The following LUC7L2 variants were observed in gnomAD, a reference collection of about 807,000 sequenced individuals.
LUC7L2 encodes putative RNA-binding protein Luc7-like 2.
LUC7L2 carries 25 observed loss-of-function variants against 52.8 expected under a neutral mutation model. The ratio of observed to expected loss-of-function variants is 0.47; its 90% CI spans 0.34 to 0.66. LUC7L2 has a LOEUF of 0.66. Ranked by LOEUF, LUC7L2 falls within the 30% of genes least tolerant of loss-of-function variation. The probability of loss-of-function intolerance (pLI) is 0.01; values close to 1 mark genes in which losing one functional copy is unlikely to be tolerated. For missense variants in LUC7L2, 328 were observed against 497.8 expected (o/e 0.66, Z 3.25); for synonymous variants, 144 against 160.9 (o/e 0.89, Z 0.80).
At chr7:139,359,301 T>C (rs960317722), upstream of LUC7L2, 1 of 152,876 alleles carries the variant, frequency 6.5e-6, no homozygotes, top group African/African-American at 2.4e-5. Flanking sequence ...TCCGAATGGG[T>C]CGGCGCGCCT....
intron 6 of LUC7L2, among the ~76,000 whole-genome samples, 195 bp from the exon 7 acceptor site, chr7:139,409,368 C>T (rs1481452797): frequency 2.0e-5 from 3 of 150,622 alleles, no homozygotes; most frequent in Non-Finnish European, 4.4e-5. Flanking sequence ...ACACATTTTC[C>T]ACAAAATGGG....
At chr7:139,377,751 A>C (rs1300931539) in intron 2 of LUC7L2, among the ~76,000 whole-genome samples, 2 of 146,304 alleles carry the variant, frequency 1.4e-5, no homozygotes, top group African/African-American at 5.1e-5. Context: ...CTGGTCTTGA[A>C]CTCCTGACCT....
At chr7:139,406,426 C>G (rs1016456430) in intron 5 of LUC7L2, among the ~76,000 whole-genome samples, 6 of 151,008 alleles carry the variant, frequency 4.0e-5, no homozygotes, top group African/African-American at 1.2e-4. Context: ...GATCTCAGCT[C>G]ACTGAAACCT....
At chr7:139,387,371 A>G (rs967028969) in intron 2 of LUC7L2, among the ~76,000 whole-genome samples, 1 of 148,906 alleles carries the variant, frequency 6.7e-6, no homozygotes, top group Non-Finnish European at 1.5e-5. Context: ...TTTTTCGTAT[A>G]TTCAGTAGAG....
chr7:139,372,949 G>A (rs191077703), intron 1 of LUC7L2, among the ~76,000 whole-genome samples: 8 of 152,216 alleles, frequency 5.3e-5, no homozygotes, highest in Admixed American at 5.2e-4. Flanking sequence ...ATGTCATTGT[G>A]ACAGGATACT....
chr7:139,393,546 A>C (rs1374596478), intron 2 of LUC7L2, among the ~76,000 whole-genome samples: 3 of 152,198 alleles, frequency 2.0e-5, no homozygotes. Context: ...TCCTGGGTTC[A>C]AGTGATTATT....
rs555861140 is a variant in LUC7L2 at position 139,389,018 on chromosome 7, A to G, written c.157-9581A>G. 2.5e-3 allele frequency among the ~76,000 whole-genome samples: 379 copies of G among 150,386 alleles called. 4 individuals carry two copies. The highest frequency in any genetic ancestry group is 9.0e-3 in the African/African-American group (366 of 40,738). ...TTTGTAAGAAGGTGTGATGGGATTC[A>G]TTATTCCAGAGACACTTCACATTTT... On this transcript the variant is annotated intron_variant, in intron 2 of 9. Transcript: ENST00000354926.
chr7:139,382,198 T>A (rs952376869), intron 2 of LUC7L2, among the ~76,000 whole-genome samples: 7 of 152,108 alleles, frequency 4.6e-5, no homozygotes, highest in Non-Finnish European at 7.4e-5. Context: ...CTAGTTTTTG[T>A]ATTTTTAATA....
chr7:139,343,508 C>T (rs759876548), intron 1 of LUC7L2, among the ~76,000 whole-genome samples: 1 of 152,098 alleles, frequency 6.6e-6, no homozygotes, highest in South Asian at 2.1e-4. Flanking sequence ...CCCAAGAAGT[C>T]GATCAAGGCT....
At position 139,393,135 on chromosome 7, in the gene LUC7L2, T is replaced by C. The variant is rs548227579; in HGVS notation, c.157-5464T>C. ...TACAAAAATTAGCCAGGTGTGGTGG[T>C]GCACACTTGTAATCCCAGCTAGTAG... On this transcript the variant is annotated intron_variant, in intron 2 of 9. Transcript: ENST00000354926. Among the ~76,000 whole-genome samples the C allele has an allele frequency of 2.0e-5, 3 of 152,084 alleles. No individual in the cohort carries two copies. In the East Asian group the frequency reaches 5.9e-4, roughly 30 times the overall value.
intron 8 of LUC7L2, among the ~76,000 whole-genome samples, chr7:139,414,878 C>T (rs779475457): frequency 1.3e-5 from 2 of 151,696 alleles, no homozygotes; most frequent in Non-Finnish European, 2.9e-5. Context: ...TTCCACTCTA[C>T]GTAATAACAT....
At chr7:139,379,906 G>A (rs1422643053) in intron 2 of LUC7L2, among the ~76,000 whole-genome samples, 3 of 152,108 alleles carry the variant, frequency 2.0e-5, no homozygotes, top group Non-Finnish European at 2.9e-5. Flanking sequence ...AATCAGGGCT[G>A]GGCGTGGTGG....
At chr7:139,368,154 T>G (rs184901466) in intron 1 of LUC7L2, among the ~76,000 whole-genome samples, 4 of 152,328 alleles carry the variant, frequency 2.6e-5, no homozygotes, top group Non-Finnish European at 4.4e-5. Context: ...CTTTAGGGTA[T>G]AGTAATTATT....
intron 2 of LUC7L2, 120 bp from the exon 3 acceptor site, chr7:139,398,479 G>A (rs1010393786): frequency 4.7e-6 from 3 of 641,372 alleles, no homozygotes; most frequent in Non-Finnish European, 7.1e-6. Context: ...TAATTTGGAA[G>A]CCCCTACATA....
chr7:139,344,695 CTTTTT>C (rs1026301999), intron 1 of LUC7L2, among the ~76,000 whole-genome samples: 1 of 116,360 alleles, frequency 8.6e-6, no homozygotes, highest in Non-Finnish European at 1.8e-5. Flanking sequence ...AATTTTCTTT[CTTTTT>C]TTTTTTTTTT....
At chr7:139,396,702 G>C (rs549419778) in intron 2 of LUC7L2, among the ~76,000 whole-genome samples, 27 of 152,258 alleles carry the variant, frequency 1.8e-4, no homozygotes, top group African/African-American at 6.0e-4. Context: ...GAGAGCAGTG[G>C]TTTGCTTTTA....
intron 2 of LUC7L2, among the ~76,000 whole-genome samples, chr7:139,389,850 GC>G (rs1249025279): frequency 6.6e-6 from 1 of 152,190 alleles, no homozygotes; most frequent in African/African-American, 2.4e-5. Context: ...TAGGTTGACA[GC>G]CTGCCTTCAG....
chr7:139,364,713 T>C (rs1293861892), intron 1 of LUC7L2, among the ~76,000 whole-genome samples: 1 of 152,260 alleles, frequency 6.6e-6, no homozygotes, highest in Admixed American at 6.5e-5. Flanking sequence ...TGTAAGATAG[T>C]ATGACATTTC....
At chr7:139,342,230 A>G (rs1435002401) in intron 1 of LUC7L2, among the ~76,000 whole-genome samples, 1 of 152,194 alleles carries the variant, frequency 6.6e-6, no homozygotes, top group Non-Finnish European at 1.5e-5. Context: ...GGAGCCATAC[A>G]GTAAAGTACT....
Sources: gnomAD v4.1 joint callset for allele counts (sites outside exome capture counted in the v4.1 genomes callset) on GRCh38, gnomAD v4.1.1 for gene constraint, MANE v1.5 for transcripts, NCBI Gene and HGNC (gene_info 2026-07-23, HGNC 2026-07-21) for gene names.